USP37: variants seen among roughly 807,000 people sequenced by gnomAD.
The protein encoded by USP37 is ubiquitin specific peptidase 37.
USP37 carries 27 observed loss-of-function variants against 124.0 expected under a neutral mutation model. The ratio of observed to expected loss-of-function variants is 0.22; its 90% confidence interval spans 0.16 to 0.30. The LOEUF (loss-of-function observed/expected upper bound fraction) is 0.30, where lower values mean the gene tolerates loss of function less well. Ranked by LOEUF, USP37 falls within the 10% of genes least tolerant of loss-of-function variation. The pLI, the probability that USP37 is intolerant of heterozygous loss-of-function variation, is 1.00. For missense variants in USP37, 889 were observed against 1,140.4 expected, an observed-to-expected ratio of 0.78 and a Z score of 3.17; for synonymous variants, 365 against 388.0, an observed-to-expected ratio of 0.94 and a Z score of 0.70.
At chr2:218,566,086 A>T (rs1178772683) in intron 1 of USP37, among the ~76,000 whole-genome samples, 1 of 152,184 alleles carries the variant, frequency 6.6e-6, no homozygotes, top group Non-Finnish European at 1.5e-5. Flanking sequence ...AGTTCTGAGA[A>T]ATGATATAAA....
At chr2:218,564,101 C>T (rs907248449) in intron 1 of USP37, among the ~76,000 whole-genome samples, 19 of 152,078 alleles carry the variant, frequency 1.2e-4, no homozygotes, top group Non-Finnish European at 2.9e-5. Context: ...AGCTCCCAGA[C>T]TTCCCTACTT....
At chr2:218,485,528 T>C in intron 16 of USP37, 136 bp downstream of exon 16, 2 of 1,027,250 alleles carry the variant, frequency 1.9e-6, no homozygotes, top group Admixed American at 3.0e-5. Context: ...TGACCCTCTT[T>C]ACCAATCCAT....
chr2:218,526,454 G>A (rs1336045237), intron 10 of USP37, among the ~76,000 whole-genome samples: 3 of 151,696 alleles, frequency 2.0e-5, no homozygotes, highest in Non-Finnish European at 4.4e-5. Context: ...AGGCTGGTTC[G>A]AATGGTATTT....
At chr2:218,530,308 C>T (rs1691252547) in intron 9 of USP37, among the ~76,000 whole-genome samples, 1 of 152,142 alleles carries the variant, frequency 6.6e-6, no homozygotes, top group Admixed American at 6.5e-5. Context: ...ACAGTATACG[C>T]TCGCTCACTT....
chr2:218,554,292 TACTCTTCTA>T (rs1692826941), intron 4 of USP37, among the ~76,000 whole-genome samples: 1 of 152,252 alleles, frequency 6.6e-6, no homozygotes, highest in Non-Finnish European at 1.5e-5. Flanking sequence ...AGTGTGGACT[TACTCTTCTA>T]CTAAAATTAA....
intron 9 of USP37, among the ~76,000 whole-genome samples, chr2:218,533,762 T>C (rs1485394221): frequency 1.3e-5 from 2 of 152,208 alleles, no homozygotes; most frequent in Non-Finnish European, 2.9e-5. Flanking sequence ...TTTATCAAAA[T>C]CATGCCATAT....
intron 5 of USP37, among the ~76,000 whole-genome samples, chr2:218,550,208 ATAT>A (rs1436996061): frequency 6.6e-6 from 1 of 152,194 alleles, no homozygotes; most frequent in African/African-American, 2.4e-5. Context: ...TTTGGTAATT[ATAT>A]TAATAACACT....
chr2:218,562,630 C>T, intron 2 of USP37, 43 bp downstream of exon 2: 1 of 397,926 alleles, frequency 2.5e-6, no homozygotes, highest in Non-Finnish European at 4.4e-6. Context: ...CGCCAGATTG[C>T]ATGCTCTTTG....
chr2:218,485,780 T>C, intron 15 of USP37, 37 bp from the exon 16 acceptor site: 72 of 1,466,514 alleles, frequency 4.9e-5, no homozygotes, highest in Non-Finnish European at 6.1e-5. Flanking sequence ...TGAAGGTGAA[T>C]CAGCATTAGT....
intron 6 of USP37, among the ~76,000 whole-genome samples, chr2:218,548,749 C>G (rs1421762163): frequency 2.0e-5 from 3 of 152,084 alleles, no homozygotes; most frequent in Admixed American, 6.6e-5. Context: ...ACAATATTCT[C>G]TATTATTTTC....
chr2:218,498,011 G>A lies in USP37; in HGVS notation c.1157+15C>T. 1.3e-6 allele frequency: 2 copies of A among 1,596,960 alleles called. No homozygotes were observed. Among genetic ancestry groups the A allele is most frequent in the Non-Finnish European group, 1.7e-6 (2 of 1,173,842 alleles). On this transcript the variant is annotated intron_variant, in intron 12 of 25. Coordinates refer to ENST00000258399, the MANE Select transcript of USP37 (RefSeq NM_020935.3). ...AGTAAAAGGTTACTCAGTAAGTACA[G>A]TACATAATGATTACCTGATAAGTGC...
At chr2:218,502,031 A>T (rs767914821) in intron 11 of USP37, among the ~76,000 whole-genome samples, 9 of 152,202 alleles carry the variant, frequency 5.9e-5, no homozygotes, top group Non-Finnish European at 1.2e-4. Context: ...CAAAGGAACT[A>T]TGCTTTAGGA....
intron 8 of USP37, among the ~76,000 whole-genome samples, chr2:218,545,534 T>C (rs1244708922): frequency 2.6e-5 from 4 of 152,230 alleles, no homozygotes; most frequent in Non-Finnish European, 5.9e-5. Context: ...AATCAATTAA[T>C]ACATAAAGTT....
chr2:218,514,122 AAC>A (rs1295805076), intron 10 of USP37: 2 of 152,160 alleles, frequency 1.3e-5, no homozygotes, highest in Admixed American at 6.6e-5. Flanking sequence ...CCTCGCCTGA[AAC>A]AGTTTTAGAT....
Position 218,454,839 on chromosome 2 carries a change from A to G in USP37, c.*91T>C, listed in dbSNP as rs1574827056. Reference sequence around the variant, plus strand: ...GCTGTTTGTTGCTCCCGCATCAAGTAGAATTCCAAATTCTCCTTCAGCAGA... The same window carrying G: ...GCTGTTTGTTGCTCCCGCATCAAGTGGAATTCCAAATTCTCCTTCAGCAGA... On this transcript the variant is annotated 3_prime_UTR_variant, in exon 26 of 26. Coordinates refer to ENST00000258399, the MANE Select transcript of USP37 (RefSeq NM_020935.3). 6.4e-7 allele frequency: 1 copy of G among 1,557,340 alleles called. No individual in the cohort carries two copies. Among genetic ancestry groups the G allele is most frequent in the Non-Finnish European group, 8.7e-7 (1 of 1,155,862 alleles).
chr2:218,460,981 C>G (rs900626125), intron 22 of USP37, among the ~76,000 whole-genome samples: 2 of 151,748 alleles, frequency 1.3e-5, no homozygotes, highest in Non-Finnish European at 2.9e-5. Context: ...TTGAAACGTA[C>G]CAAAAAAGTA....
intron 11 of USP37, among the ~76,000 whole-genome samples, chr2:218,508,653 A>G (rs1689811497): frequency 6.6e-6 from 1 of 152,236 alleles, no homozygotes; most frequent in African/African-American, 2.4e-5. Context: ...AGGCAGCAAG[A>G]TAACTGAGGT....
At chr2:218,475,772 A>C (rs1014023915) in intron 19 of USP37, among the ~76,000 whole-genome samples, 2 of 151,848 alleles carry the variant, frequency 1.3e-5, no homozygotes, top group Admixed American at 6.6e-5. Context: ...ACCAAAACCC[A>C]AAAATTAGGG....
chr2:218,527,010 G>A (rs1649973264), intron 10 of USP37, among the ~76,000 whole-genome samples: 1 of 151,694 alleles, frequency 6.6e-6, no homozygotes, highest in African/African-American at 2.4e-5. Context: ...GGATGGTCTC[G>A]ATCTCCCGAC....
Sources: gnomAD v4.1 joint callset for allele counts (sites outside exome capture counted in the v4.1 genomes callset) on GRCh38, gnomAD v4.1.1 for gene constraint, MANE v1.5 for transcripts, NCBI Gene and HGNC (gene_info 2026-07-23, HGNC 2026-07-21) for gene names.